Variants in NSUN3 observed in about 807,000 individuals in gnomAD.
The protein encoded by NSUN3 is tRNA (cytosine(34)-C(5))-methyltransferase, mitochondrial.
Under a neutral mutation model 36.8 loss-of-function variants are expected in NSUN3, and 24 were observed. The observed-to-expected ratio is 0.65, with a 90% CI of 0.47 to 0.92. The LOEUF is 0.92. Among genes scored for constraint, NSUN3 ranks in the 40% least tolerant of loss-of-function variants. The pLI is 0.00. For missense variants in NSUN3, 381 were observed against 392.8 expected, an observed-to-expected ratio of 0.97 and a Z score of 0.25; for synonymous variants, 146 against 145.2, an observed-to-expected ratio of 1.01 and a Z score of -0.04.
chr3:94,131,105 A>G lies in NSUN3; in HGVS notation c.*4615A>G, dbSNP rs972156656. 6.6e-6 allele frequency among the ~76,000 whole-genome samples: 1 copy of G among 151,778 alleles called. No individual in the cohort carries two copies. The highest frequency in any genetic ancestry group is 1.5e-5 in the Non-Finnish European group (1 of 67,968). ...TTTTTAAATTATTATTATTATTATT[A>G]TTGTAGAGATGTGACCTCACCAGGC... On this transcript the variant is annotated 3_prime_UTR_variant, in exon 6 of 6. Transcript: ENST00000314622.
Position 94,084,168 on chromosome 3 carries a change from C to G in NSUN3, c.184C>G (p.Pro62Ala). ...TGTCCTGCTTAACCGATTCAATTAT[C>G]CTTTTGAACTGGAAAAGGATTTACA... ...YAVLLNRFNY[P>A]FELEKDLHLK... Residue 62 changes from proline (P) to alanine (A), a missense_variant, in exon 3 of 6, where the codon CCT becomes GCT. Pro to Ala is a conservative substitution (Grantham distance 27). Transcript: ENST00000314622. 1.2e-6 allele frequency: 2 copies of G among 1,614,128 alleles called. No homozygotes were observed. Among genetic ancestry groups the G allele is most frequent in the African/African-American group, 1.3e-5 (1 of 75,036 alleles).
In NSUN3 at chr3:94,063,095, A is replaced by T; in HGVS notation, c.-32A>T. ...GAGGCTTTTTGATACTGATTCGCGT[A>T]CACCTGTTGTTTGAAAGCTCTCAGC... On this transcript the variant is annotated 5_prime_UTR_variant, in exon 1 of 6. Transcript: ENST00000314622. The T allele has an allele frequency of 1.2e-6, 2 of 1,613,992 alleles. No individual in the cohort carries two copies. Among genetic ancestry groups the T allele is most frequent in the Non-Finnish European group, 1.7e-6 (2 of 1,179,896 alleles).
At chr3:94,086,487 A>G (rs755203707) in intron 3 of NSUN3, among the ~76,000 whole-genome samples, 9 of 152,316 alleles carry the variant, frequency 5.9e-5, no homozygotes, top group Admixed American at 1.3e-4. Flanking sequence ...CCCTTAGAAC[A>G]TTGGTGTGTA....
intron 5 of NSUN3, among the ~76,000 whole-genome samples, chr3:94,103,006 C>T (rs1038998201): frequency 1.3e-5 from 2 of 152,096 alleles, no homozygotes; most frequent in Non-Finnish European, 1.5e-5. Flanking sequence ...CATGCCTCAG[C>T]CTCTCGAGTA....
chr3:94,084,113 A>G lies in NSUN3; in HGVS notation c.129A>G (p.Ile43Met). Residue 43 changes from isoleucine to methionine, a missense_variant, in exon 3 of 6, where the codon ATA becomes ATG. Coordinates refer to ENST00000314622, the MANE Select transcript of NSUN3 (RefSeq NM_022072.5). ...LGDAWNTVRE[I>M]LTSPSCWQYA... Reference sequence around the variant, plus strand: ...TCTCTTTTTCTATTTCTAGGGAGATACTAACATCTCCATCATGCTGGCAAT... The same window carrying G: ...TCTCTTTTTCTATTTCTAGGGAGATGCTAACATCTCCATCATGCTGGCAAT... 10 of 1,604,286 alleles carry G rather than the reference A, an allele frequency of 6.2e-6. No homozygotes were observed. Among genetic ancestry groups the G allele is most frequent in the Non-Finnish European group, 8.5e-6 (10 of 1,171,352 alleles).
chr3:94,128,941 GATA>G lies in NSUN3; in HGVS notation c.*2455_*2457del, dbSNP rs2077499149. Among the ~76,000 whole-genome samples, 2 of 152,172 alleles carry G rather than the reference GATA, an allele frequency of 1.3e-5. No individual in the cohort carries two copies. Among genetic ancestry groups the G allele is most frequent in the South Asian group, 4.2e-4 (2 of 4,816 alleles). On this transcript the variant is annotated 3_prime_UTR_variant, in exon 6 of 6. Coordinates refer to ENST00000314622, the MANE Select transcript of NSUN3 (RefSeq NM_022072.5). Reference sequence around the variant, plus strand: ...GAAATGCAAATCAAAACCACACTGAGATAATATTTTACACCAGTCAGAATGGCT... The same window carrying G: ...GAAATGCAAATCAAAACCACACTGAGATATTTTACACCAGTCAGAATGGCT...
chr3:94,095,668 G>A (rs1345112843), intron 5 of NSUN3, among the ~76,000 whole-genome samples: 4 of 152,042 alleles, frequency 2.6e-5, no homozygotes, highest in African/African-American at 9.7e-5. Context: ...ATTATTGTTC[G>A]GGTTCCAACA....
At chr3:94,078,305 C>G (rs2077254673) in intron 2 of NSUN3, among the ~76,000 whole-genome samples, 1 of 152,174 alleles carries the variant, frequency 6.6e-6, no homozygotes, top group South Asian at 2.1e-4. Context: ...TTCTGAGAGA[C>G]TGTTTGTTAT....
intron 5 of NSUN3, among the ~76,000 whole-genome samples, chr3:94,125,348 C>A (rs2077481148): frequency 6.6e-6 from 1 of 152,114 alleles, no homozygotes; most frequent in South Asian, 2.1e-4. Context: ...AAGGACGAGA[C>A]CTTTTATCTG....
intron 5 of NSUN3, among the ~76,000 whole-genome samples, chr3:94,096,833 T>C (rs1357469214): frequency 2.0e-5 from 3 of 152,174 alleles, no homozygotes; most frequent in Admixed American, 6.6e-5. Flanking sequence ...TACACCAGCC[T>C]TGCCATTGTT....
intron 2 of NSUN3, chr3:94,081,652 T>A (rs2077269632): frequency 2.0e-5 from 3 of 152,192 alleles, no homozygotes; most frequent in South Asian, 2.1e-4. Flanking sequence ...TTGGATAATA[T>A]ACAAAAGCTA....
intron 3 of NSUN3, 128 bp downstream of exon 3, chr3:94,084,578 G>C: frequency 1.5e-6 from 1 of 650,572 alleles, no homozygotes; most frequent in South Asian, 2.7e-5. Flanking sequence ...AAACTGAGAT[G>C]CTATGGAGAA....
intron 5 of NSUN3, among the ~76,000 whole-genome samples, chr3:94,101,441 G>C (rs751298322): frequency 2.0e-5 from 3 of 151,898 alleles, no homozygotes; most frequent in Non-Finnish European, 4.4e-5. Context: ...AAACTTATTG[G>C]AAGGCACAAT....
At chr3:94,079,922 A>G (rs2077260913) in intron 2 of NSUN3, among the ~76,000 whole-genome samples, 2 of 152,100 alleles carry the variant, frequency 1.3e-5, no homozygotes, top group South Asian at 2.1e-4. Flanking sequence ...TCTGAAGCCT[A>G]CTTCTGTCAG....
At chr3:94,085,122 A>C (rs1251640542) in intron 3 of NSUN3, 1 of 152,256 alleles carries the variant, frequency 6.6e-6, no homozygotes, top group Non-Finnish European at 1.5e-5. Flanking sequence ...GTTCATAGCC[A>C]CATGTGAGAA....
At chr3:94,113,087 A>G (rs1328393931) in intron 5 of NSUN3, among the ~76,000 whole-genome samples, 2 of 152,052 alleles carry the variant, frequency 1.3e-5, no homozygotes, top group Non-Finnish European at 2.9e-5. Context: ...GATGGTCTCA[A>G]TCTCCTGACC....
chr3:94,081,158 G>A (rs886193084), intron 2 of NSUN3, among the ~76,000 whole-genome samples: 3 of 152,096 alleles, frequency 2.0e-5, no homozygotes, highest in Admixed American at 6.6e-5. Flanking sequence ...CTTGGGTAGG[G>A]GAGAAAATTC....
In NSUN3 at chr3:94,131,094, T is replaced by C. The variant is rs1232761734; in HGVS notation, c.*4604T>C. On this transcript the variant is annotated 3_prime_UTR_variant, in exon 6 of 6. Transcript: ENST00000314622. ...TGCCTGGCTAATTTTTAAATTATTA[T>C]TATTATTATTATTGTAGAGATGTGA... 1.3e-5 allele frequency among the ~76,000 whole-genome samples: 2 copies of C among 151,818 alleles called. No homozygotes were observed. Among genetic ancestry groups the C allele is most frequent in the African/African-American group, 4.8e-5 (2 of 41,298 alleles).
At chr3:94,101,569 G>T (rs1331028465) in intron 5 of NSUN3, among the ~76,000 whole-genome samples, 1 of 151,988 alleles carries the variant, frequency 6.6e-6, no homozygotes, top group Non-Finnish European at 1.5e-5. Flanking sequence ...AGAACACAAA[G>T]ATAAAAGTTA....
Sources: gnomAD v4.1 joint callset for allele counts (sites outside exome capture counted in the v4.1 genomes callset) on GRCh38, gnomAD v4.1.1 for gene constraint, MANE v1.5 for transcripts, NCBI Gene and HGNC (gene_info 2026-07-23, HGNC 2026-07-21) for gene names.